The following ACYP2 variants were observed in gnomAD, a reference collection of about 807,000 sequenced individuals.
ACYP2 encodes acylphosphatase 2.
ACYP2 carries 12 observed loss-of-function variants against 11.2 expected under a neutral mutation model. The observed-to-expected ratio is 1.08, with a 90% CI of 0.69 to 1.74. The LOEUF (loss-of-function observed/expected upper bound fraction) is 1.74, where lower values mean the gene tolerates loss of function less well. Among genes scored for constraint, ACYP2 ranks in the 40% most tolerant of loss-of-function variants. ACYP2 has a pLI of 0.00. For synonymous variants in ACYP2, 43 were observed against 32.2 expected, an observed-to-expected ratio of 1.33 and a Z score of -1.13; for missense variants, 134 against 101.9, an observed-to-expected ratio of 1.31 and a Z score of -1.35.
intron 6 of ACYP2, among the ~76,000 whole-genome samples, chr2:54,199,885 G>T (rs901840159): frequency 6.6e-6 from 1 of 152,178 alleles, no homozygotes; most frequent in Non-Finnish European, 1.5e-5. Context: ...TCGTTGCAAT[G>T]GTTCTGTATC....
At chr2:54,271,531 C>T (rs1368985357) in intron 6 of ACYP2, among the ~76,000 whole-genome samples, 7 of 152,208 alleles carry the variant, frequency 4.6e-5, no homozygotes, top group Non-Finnish European at 8.8e-5. Context: ...TTCCATACCC[C>T]TGTGATTTCA....
At chr2:54,156,643 A>G (rs143841595) in intron 6 of ACYP2, among the ~76,000 whole-genome samples, 133 of 151,766 alleles carry the variant, frequency 8.8e-4, no homozygotes, top group African/African-American at 2.9e-3. Flanking sequence ...CGAGCATGAA[A>G]TATTTTCATT....
At chr2:53,991,042 C>T (rs559063645) in intron 2 of ACYP2, among the ~76,000 whole-genome samples, 83 of 152,266 alleles carry the variant, frequency 5.5e-4, no homozygotes, top group African/African-American at 1.7e-3. Context: ...GTGATCCGCC[C>T]GCCTGGGACT....
chr2:54,136,304 A>G (rs1342968069), intron 5 of ACYP2, among the ~76,000 whole-genome samples: 6 of 151,960 alleles, frequency 3.9e-5, no homozygotes, highest in Non-Finnish European at 8.8e-5. Context: ...GCCTCCCAAA[A>G]TGCCCATGCC....
At chr2:54,043,673 T>C (rs759828661) in intron 2 of ACYP2, among the ~76,000 whole-genome samples, 4 of 152,218 alleles carry the variant, frequency 2.6e-5, no homozygotes. Flanking sequence ...TGTTTTATTA[T>C]ATAAAGGGGA....
chr2:54,122,144 A>G (rs1171084482), intron 4 of ACYP2, among the ~76,000 whole-genome samples: 1 of 152,230 alleles, frequency 6.6e-6, no homozygotes, highest in Admixed American at 6.5e-5. Flanking sequence ...CACTTCCTGC[A>G]TTCAAAATTG....
intron 4 of ACYP2, among the ~76,000 whole-genome samples, chr2:54,110,872 G>A (rs1679423042): frequency 6.6e-6 from 1 of 152,014 alleles, no homozygotes; most frequent in African/African-American, 2.4e-5. Context: ...AAAGGAAAGA[G>A]GAAAGGCTGT....
chr2:54,153,531 A>T (rs1306270709), intron 6 of ACYP2, among the ~76,000 whole-genome samples: 3 of 151,046 alleles, frequency 2.0e-5, no homozygotes, highest in African/African-American at 4.9e-5. Flanking sequence ...TTCTGTGAAA[A>T]ATGTCATTGA....
chr2:54,023,324 C>A (rs930242239), intron 2 of ACYP2, among the ~76,000 whole-genome samples: 1 of 152,090 alleles, frequency 6.6e-6, no homozygotes, highest in African/African-American at 2.4e-5. Context: ...AGAAATGTCA[C>A]ACTAATTTTT....
rs1678793415 is a variant in ACYP2, at chr2:54,099,772, T to G, written c.278-35681T>G. On this transcript the variant is annotated intron_variant, in intron 4 of 6. Coordinates refer to ENST00000607452, the MANE Select transcript of ACYP2 (RefSeq NM_001320586.2). ...TGCAGTGAACTTGGGAATGCAGATA[T>G]CTCTTCAACATACTGATTTTATATC... 2.6e-5 allele frequency among the ~76,000 whole-genome samples: 4 copies of G among 152,312 alleles called. No individual in the cohort carries two copies. The South Asian group carries it at 8.3e-4, about 32-fold the overall frequency.
At chr2:54,035,265 C>CTTTTTTTTTTT (rs895749612) in intron 2 of ACYP2, among the ~76,000 whole-genome samples, 5 of 126,030 alleles carry the variant, frequency 4.0e-5, no homozygotes, top group Non-Finnish European at 5.0e-5. Context: ...TTTTCTTTTT[C>CTTTTTTTTTTT]TTTTTTTTTT....
intron 6 of ACYP2, among the ~76,000 whole-genome samples, chr2:54,284,057 GC>G (rs1339892420): frequency 6.6e-6 from 1 of 152,204 alleles, no homozygotes; most frequent in East Asian, 1.9e-4. Context: ...GTTTCAGTGA[GC>G]CGAGATCGTG....
At chr2:54,042,030 G>A (rs1386496006) in intron 2 of ACYP2, among the ~76,000 whole-genome samples, 3 of 146,570 alleles carry the variant, frequency 2.0e-5, no homozygotes, top group Admixed American at 6.8e-5. Flanking sequence ...TTTTTGAGAT[G>A]GAGTTTCACT....
rs528604501 is a variant in ACYP2 at position 53,990,412 on chromosome 2, G to T, written c.62+16602G>T. On this transcript the variant is annotated intron_variant, in intron 2 of 6. Transcript: ENST00000607452. Reference sequence around the variant, plus strand: ...GCCTGTAATCCCACCACCTTGGGAGGCTGAGGCAGGTGGATCACCTGAGGT... The same window carrying T: ...GCCTGTAATCCCACCACCTTGGGAGTCTGAGGCAGGTGGATCACCTGAGGT... 4.7e-3 allele frequency among the ~76,000 whole-genome samples: 721 copies of T among 152,136 alleles called. 2 individuals carry two copies. The highest frequency in any genetic ancestry group is 0.01 in the Middle Eastern group (3 of 294).
chr2:54,026,887 G>GATAAAGAAA (rs1444877663), intron 2 of ACYP2, among the ~76,000 whole-genome samples: 1 of 152,018 alleles, frequency 6.6e-6, no homozygotes, highest in Non-Finnish European at 1.5e-5. Context: ...ATGATACAAT[G>GATAAAGAAA]GACTTTAGGG....
At chr2:54,002,854 T>A (rs1051700981) in intron 2 of ACYP2, among the ~76,000 whole-genome samples, 3 of 149,940 alleles carry the variant, frequency 2.0e-5, no homozygotes, top group Non-Finnish European at 3.0e-5. Context: ...TTTCTCCATG[T>A]TGAGGCTGGT....
intron 6 of ACYP2, among the ~76,000 whole-genome samples, chr2:54,273,812 A>T (rs1484759817): frequency 6.6e-6 from 1 of 152,150 alleles, no homozygotes; most frequent in African/African-American, 2.4e-5. Context: ...ATATTCCAAT[A>T]ACCTTCCTGC....
chr2:54,218,920 T>A (rs1011986549), intron 6 of ACYP2, among the ~76,000 whole-genome samples: 1 of 152,194 alleles, frequency 6.6e-6, no homozygotes, highest in Admixed American at 6.5e-5. Context: ...CAGGGAGTTT[T>A]GAAAGGTATT....
Position 54,199,033 on chromosome 2 carries a change from G to A in ACYP2, c.404+60285G>A, listed in dbSNP as rs544483681. Among the ~76,000 whole-genome samples, 5 of 152,296 alleles carry A rather than the reference G, an allele frequency of 3.3e-5. No individual in the cohort carries two copies. In the East Asian group the frequency reaches 9.6e-4, roughly 29 times the overall value. On this transcript the variant is annotated intron_variant, in intron 6 of 6. Coordinates refer to ENST00000607452, the MANE Select transcript of ACYP2 (RefSeq NM_001320586.2). ...ATGGGTGCTAGGTTAACACAGGGAA[G>A]TAACACAAATAAGAGAGGATATTAT...
Sources: allele counts gnomAD v4.1 joint callset (sites outside exome capture counted in the v4.1 genomes callset), GRCh38; gene constraint gnomAD v4.1.1; transcripts MANE v1.5; gene names NCBI Gene and HGNC (gene_info 2026-07-23, HGNC 2026-07-21).